LINGO2: variants seen among roughly 807,000 people sequenced by gnomAD.
LINGO2 encodes leucine rich repeat and Ig domain containing 2.
LINGO2 carries 14 observed loss-of-function variants against 30.6 expected under a neutral mutation model. The ratio of observed to expected loss-of-function variants is 0.46; its 90% CI spans 0.30 to 0.72. The LOEUF (loss-of-function observed/expected upper bound fraction) is 0.72, where lower values mean the gene tolerates loss of function less well. Ranked by LOEUF, LINGO2 falls within the 30% of genes least tolerant of loss-of-function variation. The pLI is 0.07. For missense variants in LINGO2, 729 were observed against 751.7 expected, an observed-to-expected ratio of 0.97 and a Z score of 0.35; for synonymous variants, 317 against 288.5, an observed-to-expected ratio of 1.10 and a Z score of -1.00.
the LINGO2 span, among the ~76,000 whole-genome samples, chr9:28,842,825 A>T: frequency 2.0e-5 from 3 of 151,750 alleles, no homozygotes; most frequent in Non-Finnish European, 4.4e-5. Context: ...CACTAATCCC[A>T]TCTCTCTGAA....
chr9:28,059,628 A>C, intron 4 of LINGO2, among the ~76,000 whole-genome samples: 1 of 152,182 alleles, frequency 6.6e-6, no homozygotes, highest in East Asian at 1.9e-4. Context: ...TTTGAAAAGC[A>C]AATCTCTTAT....
chr9:28,327,911 A>AAAGG (rs768022023), intron 3 of LINGO2, among the ~76,000 whole-genome samples: 1 of 152,134 alleles, frequency 6.6e-6, no homozygotes, highest in Admixed American at 6.6e-5. Context: ...AGAAAGGAAG[A>AAAGG]AAGGAAGGAA....
chr9:28,350,791 C>A (rs1274275142), intron 3 of LINGO2, among the ~76,000 whole-genome samples: 2 of 150,840 alleles, frequency 1.3e-5, no homozygotes, highest in Admixed American at 6.6e-5. Context: ...GAAATTATAA[C>A]AAACTATCTC....
chr9:28,770,364 A>T, the LINGO2 span, among the ~76,000 whole-genome samples: 1 of 151,874 alleles, frequency 6.6e-6, no homozygotes, highest in Non-Finnish European at 1.5e-5. Context: ...AGTCTCCCCA[A>T]TGGTTTTCTC....
chr9:28,629,030 G>C (rs928341302), intron 1 of LINGO2, among the ~76,000 whole-genome samples: 1 of 152,062 alleles, frequency 6.6e-6, no homozygotes, highest in Non-Finnish European at 1.5e-5. Flanking sequence ...CATTTATTAT[G>C]TGGTGGGCAT....
At chr9:28,560,678 T>A (rs1359886875) in intron 1 of LINGO2, among the ~76,000 whole-genome samples, 1 of 151,950 alleles carries the variant, frequency 6.6e-6, no homozygotes. Flanking sequence ...TATTTATATA[T>A]TTTTTTGAGA....
the LINGO2 span, among the ~76,000 whole-genome samples, chr9:29,008,085 C>A: frequency 2.6e-5 from 4 of 152,108 alleles, no homozygotes; most frequent in African/African-American, 7.2e-5. Flanking sequence ...TCTCCCCTAA[C>A]CCCACGACAG....
chr9:28,451,408 C>A (rs1824641785), intron 2 of LINGO2, among the ~76,000 whole-genome samples: 1 of 151,756 alleles, frequency 6.6e-6, no homozygotes, highest in Non-Finnish European at 1.5e-5. Context: ...AATGTGTATG[C>A]AAACAGGTTC....
chr9:28,766,755 T>C, the LINGO2 span, among the ~76,000 whole-genome samples: 1 of 137,062 alleles, frequency 7.3e-6, no homozygotes, highest in South Asian at 2.2e-4. Flanking sequence ...GAAAAAGAGA[T>C]CCTAAGAGGA....
At chr9:28,763,429 T>C in the LINGO2 span, among the ~76,000 whole-genome samples, 1 of 151,922 alleles carries the variant, frequency 6.6e-6, no homozygotes, top group Non-Finnish European at 1.5e-5. Context: ...TAACAAACTT[T>C]TGAATAATCA....
chr9:28,008,280 A>G (rs960051865), intron 5 of LINGO2, among the ~76,000 whole-genome samples: 1 of 152,092 alleles, frequency 6.6e-6, no homozygotes, highest in African/African-American at 2.4e-5. Flanking sequence ...CCTCTATATC[A>G]TCATAACTTG....
chr9:28,440,963 A>G (rs1824166542), intron 2 of LINGO2, among the ~76,000 whole-genome samples: 1 of 152,316 alleles, frequency 6.6e-6, no homozygotes, highest in East Asian at 1.9e-4. Context: ...TCCCCAAAAA[A>G]GCATGTGTTG....
the LINGO2 span, among the ~76,000 whole-genome samples, chr9:28,919,118 T>C: frequency 6.6e-6 from 1 of 152,192 alleles, no homozygotes; most frequent in Non-Finnish European, 1.5e-5. Context: ...TGGGAGATAT[T>C]TGTCTTCCTA....
At chr9:28,774,069 CACACA>C in the LINGO2 span, among the ~76,000 whole-genome samples, 10 of 151,550 alleles carry the variant, frequency 6.6e-5, no homozygotes, top group Admixed American at 6.6e-4. Flanking sequence ...CACACACACA[CACACA>C]CACACACACT....
the LINGO2 span, among the ~76,000 whole-genome samples, chr9:28,684,077 A>G: frequency 0.012 from 1,886 of 151,268 alleles, 40 homozygotes; most frequent in African/African-American, 0.043. Flanking sequence ...AAAAGTTTAC[A>G]TTTTTAAACA....
intron 1 of LINGO2, among the ~76,000 whole-genome samples, chr9:28,500,438 T>C (rs993953647): frequency 6.6e-6 from 1 of 152,188 alleles, no homozygotes; most frequent in South Asian, 2.1e-4. Flanking sequence ...AAGGTACTAC[T>C]GTAGCTAGAA....
chr9:28,243,266 G>A (rs1242705492), intron 4 of LINGO2, among the ~76,000 whole-genome samples: 1 of 151,946 alleles, frequency 6.6e-6, no homozygotes, highest in African/African-American at 2.4e-5. Flanking sequence ...AAACCAGCCT[G>A]GGCAACATGG....
At chr9:28,973,692 G>A in the LINGO2 span, among the ~76,000 whole-genome samples, 5 of 152,264 alleles carry the variant, frequency 3.3e-5, no homozygotes, top group East Asian at 7.7e-4. Flanking sequence ...CCAGTCTCAG[G>A]TATGTCTTTA....
At chr9:28,540,998 A>G (rs1206791485) in intron 1 of LINGO2, among the ~76,000 whole-genome samples, 1 of 152,180 alleles carries the variant, frequency 6.6e-6, no homozygotes, top group Non-Finnish European at 1.5e-5. Context: ...CCACTCCAAT[A>G]TACTTGTTAG....
Sources: gnomAD v4.1 joint callset for allele counts (sites outside exome capture counted in the v4.1 genomes callset) on GRCh38, gnomAD v4.1.1 for gene constraint, MANE v1.5 for transcripts, NCBI Gene and HGNC (gene_info 2026-07-23, HGNC 2026-07-21) for gene names.